The following KIAA1217 variants were observed in gnomAD, a reference collection of about 807,000 sequenced individuals.
KIAA1217 encodes sickle tail protein homolog.
In KIAA1217, 88 loss-of-function variants were observed where a neutral mutation model predicts 163.9. The observed-to-expected ratio is 0.54, with a 90% CI of 0.45 to 0.64. KIAA1217 has a LOEUF of 0.64. KIAA1217 is among the 30% of genes least tolerant of loss of function. KIAA1217 has a pLI of 0.00. For synonymous variants in KIAA1217, 903 were observed against 923.1 expected, an observed-to-expected ratio of 0.98 and a Z score of 0.39; for missense variants, 2,372 against 2,475.0, an observed-to-expected ratio of 0.96 and a Z score of 0.88.
At chr10:24,466,737 A>C (rs938207814) in intron 5 of KIAA1217, 1 of 985,450 alleles carries the variant, frequency 1.0e-6, no homozygotes, top group African/African-American at 1.7e-5. Flanking sequence ...TCAGGACCTG[A>C]GCGAATGTGC....
At chr10:24,535,701 C>T (rs147934178) in intron 16 of KIAA1217, among the ~76,000 whole-genome samples, 1,635 of 152,252 alleles carry the variant, frequency 0.011, 21 homozygotes, top group African/African-American at 0.034. Context: ...TGCTTGAACC[C>T]GGGAAGCAGA....
chr10:24,011,347 C>T (rs1008867757), intron 2 of KIAA1217, among the ~76,000 whole-genome samples: 1 of 151,900 alleles, frequency 6.6e-6, no homozygotes, highest in Non-Finnish European at 1.5e-5. Flanking sequence ...ATTTACCAGA[C>T]GTTGTGATGC....
At chr10:24,371,087 G>C (rs893100570) in intron 2 of KIAA1217, among the ~76,000 whole-genome samples, 14 of 152,122 alleles carry the variant, frequency 9.2e-5, no homozygotes, top group African/African-American at 3.4e-4. Flanking sequence ...AATAGCTTTT[G>C]TCTCATTCTG....
chr10:24,126,500 C>T (rs1474590715), intron 2 of KIAA1217, among the ~76,000 whole-genome samples: 4 of 152,040 alleles, frequency 2.6e-5, no homozygotes, highest in Non-Finnish European at 4.4e-5. Flanking sequence ...TCTGGTGATG[C>T]AGTTCTTCTC....
intron 2 of KIAA1217, among the ~76,000 whole-genome samples, chr10:24,366,858 A>G (rs762420048): frequency 2.0e-4 from 31 of 152,256 alleles, no homozygotes; most frequent in Non-Finnish European, 4.0e-4. Flanking sequence ...ACATTCTCCA[A>G]TGATACAAGG....
At chr10:24,224,706 G>C (rs895475061) in intron 2 of KIAA1217, among the ~76,000 whole-genome samples, 3 of 151,972 alleles carry the variant, frequency 2.0e-5, no homozygotes, top group Non-Finnish European at 4.4e-5. Context: ...GAAATACAAC[G>C]ATGGAATCTT....
At chr10:24,298,574 G>T (rs1394955515) in intron 2 of KIAA1217, among the ~76,000 whole-genome samples, 1 of 152,096 alleles carries the variant, frequency 6.6e-6, no homozygotes, top group Non-Finnish European at 1.5e-5. Context: ...GAAGTGGGCG[G>T]ATCACCTGAG....
intron 1 of KIAA1217, among the ~76,000 whole-genome samples, chr10:23,907,446 A>G (rs915192484): frequency 2.0e-5 from 3 of 152,048 alleles, no homozygotes; most frequent in African/African-American, 7.2e-5. Flanking sequence ...ATGATCTGCC[A>G]TCTGCATGCT....
intron 2 of KIAA1217, among the ~76,000 whole-genome samples, chr10:24,176,185 C>T (rs1459408486): frequency 6.6e-6 from 1 of 152,202 alleles, no homozygotes; most frequent in African/African-American, 2.4e-5. Context: ...ACACAGAGTG[C>T]TGATTGGTGC....
intron 2 of KIAA1217, among the ~76,000 whole-genome samples, chr10:24,177,722 G>A (rs941578012): frequency 2.6e-5 from 4 of 151,902 alleles, no homozygotes; most frequent in Non-Finnish European, 5.9e-5. Flanking sequence ...CAAGCAGTTA[G>A]ACAAATTGAA....
At chr10:24,381,790 C>T (rs554718696) in intron 3 of KIAA1217, among the ~76,000 whole-genome samples, 35 of 152,304 alleles carry the variant, frequency 2.3e-4, no homozygotes, top group Admixed American at 6.5e-4. Flanking sequence ...CATTTGTACC[C>T]AGTGGTGTGG....
intron 1 of KIAA1217, among the ~76,000 whole-genome samples, chr10:23,804,228 G>A (rs1836629919): frequency 2.6e-5 from 4 of 151,932 alleles, no homozygotes; most frequent in Admixed American, 2.6e-4. Context: ...ATTCAAATAT[G>A]ACTTAAATCA....
intron 1 of KIAA1217, among the ~76,000 whole-genome samples, chr10:23,696,014 A>G (rs1836013213): frequency 6.6e-6 from 1 of 151,774 alleles, no homozygotes; most frequent in African/African-American, 2.4e-5. Flanking sequence ...GTCCTCCGAG[A>G]CCCCGGACTG....
intron 3 of KIAA1217, among the ~76,000 whole-genome samples, chr10:24,419,232 C>A (rs2058534951): frequency 6.6e-6 from 1 of 151,024 alleles, no homozygotes; most frequent in South Asian, 2.1e-4. Flanking sequence ...TCTTTGCTTT[C>A]TATAACCACT....
intron 2 of KIAA1217, among the ~76,000 whole-genome samples, chr10:24,170,074 C>G (rs10508670): frequency 0.37 from 56,292 of 152,006 alleles, 10,853 homozygotes; most frequent in South Asian, 0.47. Flanking sequence ...CTAGTAAAGA[C>G]ACTATTGGTT....
intron 6 of KIAA1217, among the ~76,000 whole-genome samples, chr10:24,492,979 G>A (rs539841341): frequency 2.6e-5 from 4 of 152,090 alleles, no homozygotes; most frequent in Non-Finnish European, 5.9e-5. Flanking sequence ...CCGAGTAGCT[G>A]GGATTACAGG....
In KIAA1217 at chr10:24,152,843, G is replaced by A. The variant is rs12262780; in HGVS notation, c.-170-66783G>A. Among the ~76,000 whole-genome samples, 468 of 151,910 alleles carry A rather than the reference G, an allele frequency of 3.1e-3. 1 individual carries two copies. The highest frequency in any genetic ancestry group is 0.011 in the African/African-American group (441 of 41,396). ...GTTGAACTTTTTTCTTACTAAAAAC[G>A]ATCTGCTCCTAGATATGGTGGAATG... On this transcript the variant is annotated intron_variant, in intron 2 of 18. Transcript: ENST00000376462.
chr10:24,320,762 G>T (rs1207540595), intron 2 of KIAA1217, among the ~76,000 whole-genome samples: 1 of 152,150 alleles, frequency 6.6e-6, no homozygotes, highest in Admixed American at 6.5e-5. Flanking sequence ...GCTACAGAGA[G>T]GCCGGGCTCA....
intron 1 of KIAA1217, among the ~76,000 whole-genome samples, chr10:23,779,456 C>CATT (rs1219053230): frequency 4.6e-5 from 7 of 152,172 alleles, no homozygotes; most frequent in African/African-American, 1.7e-4. Context: ...CTTATTCAGA[C>CATT]ATTATCACAT....
Sources: allele counts gnomAD v4.1 joint callset (sites outside exome capture counted in the v4.1 genomes callset), GRCh38; gene constraint gnomAD v4.1.1; transcripts MANE v1.5; gene names NCBI Gene and HGNC (gene_info 2026-07-23, HGNC 2026-07-21).